SUMF1: variants seen among roughly 807,000 people sequenced by gnomAD.
SUMF1 encodes the protein sulfatase modifying factor 1, also known as formylglycine-generating enzyme.
SUMF1 carries 48 observed loss-of-function variants against 47.6 expected under a neutral mutation model. The ratio of observed to expected loss-of-function variants is 1.01; its 90% CI spans 0.80 to 1.28. The LOEUF is 1.28. Among genes scored for constraint, SUMF1 ranks in the 50% most tolerant of loss-of-function variants. The pLI is 0.00. For synonymous variants in SUMF1, 230 were observed against 192.1 expected (o/e 1.20, Z -1.63); for missense variants, 571 against 485.4 (o/e 1.18, Z -1.66).
chr3:4,329,954 C>T (rs965456425), intron 8 of SUMF1, among the ~76,000 whole-genome samples: 1 of 152,130 alleles, frequency 6.6e-6, no homozygotes, highest in East Asian at 1.9e-4. Flanking sequence ...ACTAGATGCC[C>T]TAAATTATCT....
intron 8 of SUMF1, among the ~76,000 whole-genome samples, chr3:4,074,097 C>T (rs913765923): frequency 9.2e-5 from 14 of 152,130 alleles, no homozygotes; most frequent in African/African-American, 2.9e-4. Context: ...AAGTAAAACA[C>T]TCCTCAGCAA....
chr3:4,060,972 A>G (rs761314267), intron 9 of SUMF1, among the ~76,000 whole-genome samples: 1 of 152,180 alleles, frequency 6.6e-6, no homozygotes, highest in Non-Finnish European at 1.5e-5. Context: ...TTCAAGTTCC[A>G]TAAGACCCCA....
chr3:4,357,454 A>G (rs919599065), downstream of SUMF1, among the ~76,000 whole-genome samples: 6 of 151,992 alleles, frequency 3.9e-5, no homozygotes, highest in African/African-American at 9.7e-5. Context: ...ATTCTCATGG[A>G]TGAAATTTCA....
chr3:4,271,858 C>T lies in SUMF1; in HGVS notation c.1014+104472G>A, dbSNP rs114143529. ...ATCATAGCTTGTGCTCAGAAGTGTCCCTAAAAAGGAGTTCCTCGGAATTCT... is the reference window on the plus strand; with the variant it reads ...ATCATAGCTTGTGCTCAGAAGTGTCTCTAAAAAGGAGTTCCTCGGAATTCT... On this transcript the variant is annotated intron_variant and NMD_transcript_variant, in intron 8 of 12. Coordinates refer to the SUMF1 transcript ENST00000448413. 6.2e-3 allele frequency among the ~76,000 whole-genome samples: 939 copies of T among 152,002 alleles called. 5 individuals are homozygous for T. Among genetic ancestry groups the T allele is most frequent in the African/African-American group, 0.018 (731 of 41,490 alleles).
At chr3:4,053,803 C>T (rs1339992265) in intron 9 of SUMF1, among the ~76,000 whole-genome samples, 6 of 152,158 alleles carry the variant, frequency 3.9e-5, no homozygotes, top group East Asian at 1.9e-4. Flanking sequence ...GTCACTACCT[C>T]GAGGTGATCA....
intron 8 of SUMF1, among the ~76,000 whole-genome samples, chr3:4,091,960 C>T (rs1692797279): frequency 1.3e-5 from 2 of 151,736 alleles, no homozygotes; most frequent in South Asian, 2.1e-4. Flanking sequence ...AGCTGCAATA[C>T]ATTTAGGCAC....
At chr3:4,176,743 C>T (rs1207630029) in intron 8 of SUMF1, among the ~76,000 whole-genome samples, 3 of 152,112 alleles carry the variant, frequency 2.0e-5, no homozygotes, top group African/African-American at 7.2e-5. Flanking sequence ...CACAGACTGG[C>T]AAATTGGATA....
chr3:4,346,420 G>A (rs1575115940), intron 8 of SUMF1, among the ~76,000 whole-genome samples: 1 of 151,942 alleles, frequency 6.6e-6, no homozygotes, highest in African/African-American at 2.4e-5. Context: ...ACCTGTTCCT[G>A]AATGACTCCT....
At position 4,154,431 on chromosome 3, in the gene SUMF1, A is replaced by C. The variant is rs1020053511; in HGVS notation, c.1015-85686T>G. 2.6e-5 allele frequency among the ~76,000 whole-genome samples: 4 copies of C among 151,652 alleles called. No individual in the cohort carries two copies. The East Asian group carries it at 7.7e-4, about 29-fold the overall frequency. ...CAGCATGAATAATAAGATAGTTAAC[A>C]CTTATTGGGCACCAACTATGTTCCA... On this transcript the variant is annotated intron_variant and NMD_transcript_variant, in intron 8 of 12. Transcript: ENST00000448413.
chr3:4,416,892 T>C (rs1239394943), intron 6 of SUMF1, among the ~76,000 whole-genome samples: 1 of 152,200 alleles, frequency 6.6e-6, no homozygotes, highest in East Asian at 1.9e-4. Context: ...TTCTCCTTTA[T>C]AGTCTTCTCA....
At chr3:4,188,578 G>A (rs1345186232) in intron 8 of SUMF1, among the ~76,000 whole-genome samples, 2 of 152,082 alleles carry the variant, frequency 1.3e-5, no homozygotes, top group East Asian at 3.9e-4. Context: ...TTAATGAGGT[G>A]GCAATAGACA....
chr3:4,268,499 CT>C (rs61066874), intron 8 of SUMF1, among the ~76,000 whole-genome samples: 15,570 of 117,096 alleles, frequency 0.13, 866 homozygotes, highest in East Asian at 0.35. Context: ...AAATGTTTTT[CT>C]TTTTTTTTTT....
chr3:4,091,738 T>C (rs1213096674), intron 8 of SUMF1, among the ~76,000 whole-genome samples: 1 of 152,096 alleles, frequency 6.6e-6, no homozygotes, highest in African/African-American at 2.4e-5. Flanking sequence ...GTGCAACCTA[T>C]ATTTACTGGT....
intron 8 of SUMF1, among the ~76,000 whole-genome samples, chr3:4,096,630 C>T (rs1054105698): frequency 6.6e-6 from 1 of 152,074 alleles, no homozygotes; most frequent in African/African-American, 2.4e-5. Flanking sequence ...AATCTCTTTA[C>T]AGATTATCAT....
intron 8 of SUMF1, among the ~76,000 whole-genome samples, chr3:4,244,981 T>C (rs979728791): frequency 1.3e-5 from 2 of 152,096 alleles, no homozygotes; most frequent in African/African-American, 4.8e-5. Flanking sequence ...CTTTATTTCA[T>C]TAATTTGATC....
intron 3 of SUMF1, among the ~76,000 whole-genome samples, chr3:4,421,793 A>G (rs539158826): frequency 6.6e-6 from 1 of 152,132 alleles, no homozygotes; most frequent in Non-Finnish European, 1.5e-5. Context: ...CCTGCAAATG[A>G]TTCTTCTAAT....
chr3:4,185,655 A>G (rs1426833937), intron 8 of SUMF1, among the ~76,000 whole-genome samples: 2 of 152,194 alleles, frequency 1.3e-5, no homozygotes, highest in Admixed American at 1.3e-4. Context: ...GAGATGCCAC[A>G]GTTAATTACC....
At chr3:4,442,486 C>T (rs1214018091) in intron 3 of SUMF1, among the ~76,000 whole-genome samples, 1 of 151,622 alleles carries the variant, frequency 6.6e-6, no homozygotes, top group Non-Finnish European at 1.5e-5. Context: ...GTCTCGATCT[C>T]CTGACCTCGT....
rs188550738 is a variant in SUMF1, at chr3:4,184,435, G to A, written c.1015-115690C>T. 6.6e-5 allele frequency among the ~76,000 whole-genome samples: 10 copies of A among 151,344 alleles called. No homozygotes were observed. In the East Asian group the frequency reaches 2.0e-3, roughly 30 times the overall value. On this transcript the variant is annotated intron_variant and NMD_transcript_variant, in intron 8 of 12. Transcript: ENST00000448413. ...CATGCTGCTGCACTCCAGCCTGGGC[G>A]ACAAAGTGAAACTGGGTCTCAAAAA...
Sources: allele counts gnomAD v4.1 joint callset (sites outside exome capture counted in the v4.1 genomes callset), GRCh38; gene constraint gnomAD v4.1.1; transcripts MANE v1.5; gene names NCBI Gene and HGNC (gene_info 2026-07-23, HGNC 2026-07-21).